The following FMNL1 variants were observed in gnomAD, a reference collection of about 807,000 sequenced individuals.
The protein encoded by FMNL1 is formin-like protein 1.
A neutral mutation model predicts 121.3 loss-of-function variants in FMNL1; 43 were observed. The ratio of observed to expected loss-of-function variants is 0.35; its 90% confidence interval spans 0.28 to 0.46. The LOEUF (loss-of-function observed/expected upper bound fraction) is 0.46, where lower values mean the gene tolerates loss of function less well. Ranked by LOEUF, FMNL1 falls within the 20% of genes least tolerant of loss-of-function variation. FMNL1 has a pLI of 1.00. For synonymous variants in FMNL1, 613 were observed against 613.5 expected (o/e 1.00, Z 0.01); for missense variants, 1,191 against 1,482.4 (o/e 0.80, Z 3.23).
rs2043428564 is a variant in FMNL1, at chr17:45,231,175, T to C, written c.213+488T>C. On this transcript the variant is annotated intron_variant, in intron 2 of 26. Coordinates refer to ENST00000331495, the MANE Select transcript of FMNL1 (RefSeq NM_005892.4). This position sits in a 1 kb window ranked among gnomAD's most constrained non-coding sequence, Gnocchi z 4.7. ...CAGCCACTTTGGACCCCTGCTTTGG[T>C]GCTCCGTCCAGGTGCCTGGACTCAC... 6.6e-6 allele frequency among the ~76,000 whole-genome samples: 1 copy of C among 152,214 alleles called. No individual in the cohort carries two copies.
Position 45,231,251 on chromosome 17 carries a change from A to C in FMNL1, c.213+564A>C, listed in dbSNP as rs113726335. ...CCAGCTTCAAGGGCTGCGGTCGGCC[A>C]TGGGCCGACCCTCTCCCAGCGCTGG... On this transcript the variant is annotated intron_variant, in intron 2 of 26. Coordinates refer to ENST00000331495, the MANE Select transcript of FMNL1 (RefSeq NM_005892.4). This position sits in a 1 kb window ranked among gnomAD's most constrained non-coding sequence, Gnocchi z 4.7. 1.3e-5 allele frequency among the ~76,000 whole-genome samples: 2 copies of C among 152,086 alleles called. No individual in the cohort carries two copies. The highest frequency in any genetic ancestry group is 2.4e-5 in the African/African-American group (1 of 41,408).
chr17:45,234,011 T>C, intron 5 of FMNL1, 61 bp from the exon 6 acceptor site: 1 of 1,591,088 alleles, frequency 6.3e-7, no homozygotes, highest in Admixed American at 1.8e-5. Context: ...GCGTTTCCTC[T>C]GCCCCCTCTT....
At chr17:45,235,503 T>C (rs1225669565) in intron 6 of FMNL1, among the ~76,000 whole-genome samples, 1 of 152,182 alleles carries the variant, frequency 6.6e-6, no homozygotes, top group Non-Finnish European at 1.5e-5. Flanking sequence ...CTGGTATTAC[T>C]GGGAATGTGA....
chr17:45,245,861 A>G lies in FMNL1; in HGVS notation c.2995-17A>G, dbSNP rs752672891. 3.1e-6 allele frequency: 5 copies of G among 1,597,930 alleles called. No individual in the cohort carries two copies. In the South Asian group the frequency reaches 4.5e-5, roughly 14 times the overall value. On this transcript the variant is annotated splice_polypyrimidine_tract_variant and intron_variant, in intron 23 of 26. Coordinates refer to ENST00000331495, the MANE Select transcript of FMNL1 (RefSeq NM_005892.4). ...AGTAGGGAGGGCCACCCTCATGGAGACTGCCTTGGCCCACAGAAAGCTGAG... is the reference window on the plus strand; with the variant it reads ...AGTAGGGAGGGCCACCCTCATGGAGGCTGCCTTGGCCCACAGAAAGCTGAG...
intron 1 of FMNL1, among the ~76,000 whole-genome samples, chr17:45,228,172 G>A (rs2043368079): frequency 6.6e-6 from 1 of 152,228 alleles, no homozygotes; most frequent in Non-Finnish European, 1.5e-5. Flanking sequence ...ACTCCCTGGA[G>A]TGCCTGGCTC....
Position 45,233,709 on chromosome 17 carries a change from G to A in FMNL1, c.463G>A (p.Ala155Thr), listed in dbSNP as rs771688761. The change falls in exon 5 of 27, where the codon GCC (alanine) becomes ACC (threonine). Residue 155 changes from alanine to threonine, a missense_variant. Around this residue, in one of 4 missense-constraint regions of FMNL1, gnomAD observed 253 missense variants for 417.5 expected, o/e 0.61. Coordinates refer to ENST00000331495, the MANE Select transcript of FMNL1 (RefSeq NM_005892.4). This position sits in a 1 kb window ranked among gnomAD's most constrained non-coding sequence, Gnocchi z 4.1. ...RGLDVLLEYL[A>T]FAQCSVTYDM... ...CCTGGATGTGCTGCTCGAGTACCTG[G>A]CCTTTGCCCAGTGCTCTGTCACGTA... 8 of 1,613,884 alleles carry A rather than the reference G, an allele frequency of 5.0e-6. No individual in the cohort carries two copies. The East Asian group carries it at 1.8e-4, about 36-fold the overall frequency.
intron 1 of FMNL1, among the ~76,000 whole-genome samples, chr17:45,225,695 G>C (rs1378897460): frequency 6.6e-6 from 1 of 152,188 alleles, no homozygotes; most frequent in East Asian, 1.9e-4. Flanking sequence ...GGGGGCCTTT[G>C]AGGGGACAGG....
intron 10 of FMNL1, 93 bp downstream of exon 10, chr17:45,238,731 G>T: frequency 6.6e-7 from 1 of 1,503,998 alleles, no homozygotes; most frequent in Non-Finnish European, 9.2e-7. Flanking sequence ...AATGGGCTCT[G>T]CCCCCGCAAA....
At chr17:45,240,795 T>A in intron 12 of FMNL1, 170 bp downstream of exon 12, 1 of 1,006,882 alleles carries the variant, frequency 9.9e-7, no homozygotes, top group South Asian at 1.7e-5. Context: ...CTGAATCTGT[T>A]GGGTGTCTTT....
chr17:45,230,886 A>C (rs1567958850), intron 2 of FMNL1, among the ~76,000 whole-genome samples, 199 bp downstream of exon 2: 1 of 152,092 alleles, frequency 6.6e-6, no homozygotes, highest in Non-Finnish European at 1.5e-5. Flanking sequence ...TCCCCAAAAG[A>C]CCTTGTGAGT....
chr17:45,241,240 G>T lies in FMNL1; in HGVS notation c.1332+10G>T. 6.2e-7 allele frequency: 1 copy of T among 1,613,988 alleles called. No homozygotes were observed. The highest frequency in any genetic ancestry group is 8.5e-7 in the Non-Finnish European group (1 of 1,179,974). On this transcript the variant is annotated intron_variant, in intron 13 of 26. Transcript: ENST00000331495. The surrounding 1 kb of genome is among the most constrained non-coding windows in gnomAD (Gnocchi z 7.0). ...GTTGGAGACCCTGCGGGTGAGGCTGGGGCGGGTGGTAGGCCAGGCGCCCAA... is the reference window on the plus strand; with the variant it reads ...GTTGGAGACCCTGCGGGTGAGGCTGTGGCGGGTGGTAGGCCAGGCGCCCAA...
At position 45,242,444 on chromosome 17, in the gene FMNL1, C is replaced by T; in HGVS notation, c.1989C>T (p.Leu663=). Residue 663 remains leucine (L), a synonymous_variant, in exon 16 of 27, where the codon CTC becomes CTT. Transcript: ENST00000331495. The part of the protein sequence containing the change: ...SQITGTVFTE[L]NDEKVLQELD... ...TCACCGGCACTGTCTTCACAGAGCT[C>T]AATGATGAGAAGGTGCTGCAGGTGA... The T allele has an allele frequency of 6.2e-7, 1 of 1,613,938 alleles. No individual in the cohort carries two copies. Among genetic ancestry groups the T allele is most frequent in the Non-Finnish European group, 8.5e-7 (1 of 1,179,846 alleles).
In FMNL1 at chr17:45,241,606, G is replaced by T; in HGVS notation, c.1557G>T (p.Pro519=). The T allele has an allele frequency of 6.5e-7, 1 of 1,533,462 alleles. No individual in the cohort carries two copies. The allele number at this position is 1,533,462 out of a possible 1,614,324, so 95.0% of individuals were successfully genotyped here. Residue 519 remains proline, a synonymous_variant, in exon 14 of 27, where the codon CCG becomes CCT. Coordinates refer to ENST00000331495, the MANE Select transcript of FMNL1 (RefSeq NM_005892.4). This position sits in a 1 kb window ranked among gnomAD's most constrained non-coding sequence, Gnocchi z 7.0. ...CGAGCGGCGGTGATGCTCCGACTCC[G>T]GGGGTGCCGACCGGCTCCCCCAGCC... ...ATPSGGDAPT[P]GVPTGSPSPD... is the part of the protein sequence containing the mutation.
At chr17:45,229,057 C>A (rs904525691) in intron 1 of FMNL1, among the ~76,000 whole-genome samples, 13 of 151,464 alleles carry the variant, frequency 8.6e-5, no homozygotes, top group African/African-American at 3.2e-4. Context: ...GGTTCCCCCA[C>A]CCCCTGCCCC....
In FMNL1 at chr17:45,245,894, TG is replaced by T; in HGVS notation, c.3013del (p.Glu1005AsnfsTer42). ...GGCCCACAGAAAGCTGAGCAGGAGG[TG>T]GAACAGTGGAAAAAAGAAGCCGCTG... ...IKAYKKAEQE[V>X]EQWKKEAAAQ... On this transcript the variant is annotated frameshift_variant, in exon 24 of 27. Transcript: ENST00000331495. LOFTEE classifies it high-confidence loss of function. 6.3e-7 allele frequency: 1 copy of T among 1,593,292 alleles called. No individual in the cohort carries two copies. The highest frequency in any genetic ancestry group is 8.5e-7 in the Non-Finnish European group (1 of 1,172,470).
At position 45,244,919 on chromosome 17, in the gene FMNL1, T is replaced by TGCGG. The variant is rs2143633084; in HGVS notation, c.2598+20_2598+21insGCGG. 6.2e-7 allele frequency: 1 copy of TGCGG among 1,613,154 alleles called. No homozygotes were observed. Among genetic ancestry groups the TGCGG allele is most frequent in the East Asian group, 2.2e-5 (1 of 44,870 alleles). ...GATGCGGTGAGGAGGGGCCCCTGGC[T>TGCGG]TGGGGACTGGGGCTGGGGACTGGCT... On this transcript the variant is annotated intron_variant, in intron 20 of 26. Transcript: ENST00000331495.
At chr17:45,240,748 GC>G (rs1034592816) in intron 12 of FMNL1, 123 bp downstream of exon 12, 1 of 1,359,432 alleles carries the variant, frequency 7.4e-7, no homozygotes, top group African/African-American at 1.5e-5. Flanking sequence ...TGGAGGTGCT[GC>G]CTGCCTGGCC....
chr17:45,240,374 G>A, intron 11 of FMNL1, 102 bp from the exon 12 acceptor site: 4 of 1,307,626 alleles, frequency 3.1e-6, no homozygotes, highest in Non-Finnish European at 2.1e-6. Context: ...TAGGGCTCAG[G>A]CCCCTTCCTC....
intron 1 of FMNL1, 102 bp from the exon 2 acceptor site, chr17:45,230,502 G>T: frequency 1.0e-6 from 1 of 983,394 alleles, no homozygotes; most frequent in Non-Finnish European, 1.6e-6. Context: ...TGGGGGTGAT[G>T]CACCTCCTAG....
Sources: gnomAD v4.1 joint callset for allele counts (sites outside exome capture counted in the v4.1 genomes callset) on GRCh38, gnomAD v4.1.1 for gene constraint, gnomAD v4.1.1 regional missense constraint, Gnocchi (gnomAD v3.1) non-coding constraint, MANE v1.5 for transcripts, NCBI Gene and HGNC (gene_info 2026-07-23, HGNC 2026-07-21) for gene names.